The following GNA13 variants were observed in gnomAD, a reference collection of about 807,000 sequenced individuals.
GNA13 encodes G protein subunit alpha 13.
A neutral mutation model predicts 33.5 loss-of-function variants in GNA13; 4 were observed. The observed-to-expected ratio is 0.12, with a 90% CI of 0.06 to 0.27. The LOEUF is 0.27. GNA13 is among the 10% of genes least tolerant of loss of function. The pLI is 1.00. For synonymous variants in GNA13, 176 were observed against 183.8 expected (o/e 0.96, Z 0.34); for missense variants, 319 against 487.2 (o/e 0.65, Z 3.25).
chr17:65,027,475 C>A (rs1365530412), intron 2 of GNA13, among the ~76,000 whole-genome samples: 4 of 152,042 alleles, frequency 2.6e-5, no homozygotes, highest in Non-Finnish European at 4.4e-5. Context: ...TCTAAGAAAA[C>A]CTTTTGCTTA....
At chr17:65,033,609 T>C (rs1055095615) in intron 2 of GNA13, among the ~76,000 whole-genome samples, 2 of 152,218 alleles carry the variant, frequency 1.3e-5, no homozygotes, top group Non-Finnish European at 2.9e-5. Context: ...ACAAAACTTA[T>C]AGCCGACAAG....
At chr17:65,042,612 C>CT (rs1304075962) in intron 2 of GNA13, among the ~76,000 whole-genome samples, 1 of 151,528 alleles carries the variant, frequency 6.6e-6, no homozygotes, top group Non-Finnish European at 1.5e-5. Flanking sequence ...TGGTGCGGGC[C>CT]TGTAGTCCCA....
chr17:65,028,237 C>T (rs570715102), intron 2 of GNA13, among the ~76,000 whole-genome samples: 2 of 151,634 alleles, frequency 1.3e-5, no homozygotes, highest in South Asian at 4.2e-4. Flanking sequence ...AAAAACAAAA[C>T]AAAACAAAAG....
At chr17:65,043,746 T>C (rs1363873344) in intron 2 of GNA13, among the ~76,000 whole-genome samples, 1 of 151,936 alleles carries the variant, frequency 6.6e-6, no homozygotes, top group Non-Finnish European at 1.5e-5. Flanking sequence ...AAAACAAACA[T>C]CAACGAAGAG....
intron 2 of GNA13, among the ~76,000 whole-genome samples, chr17:65,039,494 C>T (rs1907379917): frequency 6.6e-6 from 1 of 152,216 alleles, no homozygotes; most frequent in Admixed American, 6.5e-5. Context: ...CACCTCAGTT[C>T]TCCCTCACTC....
chr17:65,031,921 A>AGAGAGAGAGTGTGT (rs770161529), intron 2 of GNA13, among the ~76,000 whole-genome samples: 20 of 91,678 alleles, frequency 2.2e-4, no homozygotes, highest in Non-Finnish European at 3.8e-4. Context: ...AGAGAGAGAG[A>AGAGAGAGAGTGTGT]GTGTGTGTGT....
chr17:65,040,819 GTTGAATAGCAAC>G (rs1907425144), intron 2 of GNA13, among the ~76,000 whole-genome samples: 1 of 152,164 alleles, frequency 6.6e-6, no homozygotes, highest in Non-Finnish European at 1.5e-5. Context: ...AAACCCGTTA[GTTGAATAGCAAC>G]TTTATCTGTC....
intron 2 of GNA13, among the ~76,000 whole-genome samples, chr17:65,043,054 C>T (rs1050111697): frequency 6.6e-6 from 1 of 152,042 alleles, no homozygotes; most frequent in Non-Finnish European, 1.5e-5. Context: ...AACAGTAGGT[C>T]CCTAATAATA....
At chr17:65,030,238 T>A (rs1363962760) in intron 2 of GNA13, among the ~76,000 whole-genome samples, 1 of 152,206 alleles carries the variant, frequency 6.6e-6, no homozygotes, top group African/African-American at 2.4e-5. Context: ...CTGAGCAGAT[T>A]TAGAAACTTT....
intron 3 of GNA13, among the ~76,000 whole-genome samples, chr17:65,015,429 G>A (rs140310099): frequency 0.014 from 2,170 of 152,094 alleles, 54 homozygotes; most frequent in African/African-American, 0.049. Flanking sequence ...TTGGGAGGCC[G>A]AGACGGGCAG....
chr17:65,016,772 C>A (rs1409181220), intron 3 of GNA13, among the ~76,000 whole-genome samples: 1 of 152,214 alleles, frequency 6.6e-6, no homozygotes, highest in African/African-American at 2.4e-5. Flanking sequence ...TTTCTTCTAG[C>A]TTTGTTCAGA....
chr17:65,049,502 G>C (rs2143827280), intron 2 of GNA13, among the ~76,000 whole-genome samples: 1 of 152,262 alleles, frequency 6.6e-6, no homozygotes, highest in East Asian at 1.9e-4. Context: ...GACAAACTAG[G>C]CATACCAAAG....
In GNA13 at chr17:65,056,379, T is replaced by G; in HGVS notation, c.215A>C (p.His72Pro). 1 of 1,611,860 alleles carries G rather than the reference T, an allele frequency of 6.2e-7. No homozygotes were observed. Among genetic ancestry groups the G allele is most frequent in the Non-Finnish European group, 8.5e-7 (1 of 1,178,856 alleles). ...STFLKQMRII[H>P]GQDFDQRARE... The stretch of plus-strand genomic sequence containing the variant: ...CGCGCGCTGGTCGAAGTCCTGCCCG[T>G]GGATGATCCGCATCTGCTTCAGGAA... The change falls in exon 1 of 4, where the codon CAC (histidine) becomes CCC (proline). Residue 72 changes from histidine to proline, a missense_variant. Coordinates refer to ENST00000439174, the MANE Select transcript of GNA13 (RefSeq NM_006572.6).
intron 2 of GNA13, among the ~76,000 whole-genome samples, chr17:65,030,090 T>C (rs2143794050): frequency 6.6e-6 from 1 of 152,298 alleles, no homozygotes; most frequent in East Asian, 1.9e-4. Flanking sequence ...TCCATGTAAG[T>C]AACCACTCAG....
chr17:65,046,486 C>G (rs1030925138), intron 2 of GNA13, among the ~76,000 whole-genome samples: 1 of 152,110 alleles, frequency 6.6e-6, no homozygotes, highest in African/African-American at 2.4e-5. Flanking sequence ...GAGACAGGAT[C>G]TTGCTATGTT....
chr17:65,039,648 G>A (rs1244121515), intron 2 of GNA13, among the ~76,000 whole-genome samples: 1 of 152,124 alleles, frequency 6.6e-6, no homozygotes, highest in Non-Finnish European at 1.5e-5. Flanking sequence ...GAACCTAAAT[G>A]TTGCCTCCTC....
chr17:65,053,823 T>C (rs1368448822), intron 1 of GNA13, 95 bp from the exon 2 acceptor site: 1 of 784,900 alleles, frequency 1.3e-6, no homozygotes, highest in Non-Finnish European at 2.1e-6. Context: ...TACTTCTGAA[T>C]TAACCTAGAC....
intron 2 of GNA13, among the ~76,000 whole-genome samples, chr17:65,033,216 G>A (rs1311156932): frequency 6.6e-6 from 1 of 152,106 alleles, no homozygotes; most frequent in East Asian, 1.9e-4. Flanking sequence ...TGGACACACT[G>A]GCTGACACCT....
rs775193494 is a variant in GNA13, at chr17:65,033,109, TA to T, written c.511-14807del. On this transcript the variant is annotated intron_variant, in intron 2 of 3. Transcript: ENST00000439174. The stretch of plus-strand genomic sequence containing the variant: ...CTGGGCAACAGAGCGAGACTCCATT[TA>T]AAAAAAAAAAAAAATCACAGTACTT... 4.1e-3 allele frequency among the ~76,000 whole-genome samples: 586 copies of T among 142,302 alleles called. 1 individual carries two copies. The highest frequency in any genetic ancestry group is 4.1e-3 in the Admixed American group (59 of 14,274). 93.4% of individuals were successfully genotyped at this position (142,302 alleles called of 152,430 possible).
Sources: allele counts gnomAD v4.1 joint callset (sites outside exome capture counted in the v4.1 genomes callset), GRCh38; gene constraint gnomAD v4.1.1; transcripts MANE v1.5; gene names NCBI Gene and HGNC (gene_info 2026-07-23, HGNC 2026-07-21).